OSBPL6: variants seen among roughly 807,000 people sequenced by gnomAD.
The protein encoded by OSBPL6 is oxysterol-binding protein-related protein 6.
A neutral mutation model predicts 125.8 loss-of-function variants in OSBPL6; 49 were observed. The ratio of observed to expected loss-of-function variants is 0.39; its 90% CI spans 0.31 to 0.49. The LOEUF (loss-of-function observed/expected upper bound fraction) is 0.49, where lower values mean the gene tolerates loss of function less well. Ranked by LOEUF, OSBPL6 falls within the 20% of genes least tolerant of loss-of-function variation. OSBPL6 has a pLI of 0.88. For missense variants in OSBPL6, 986 were observed against 1,135.4 expected, an observed-to-expected ratio of 0.87 and a Z score of 1.89; for synonymous variants, 394 against 391.8, an observed-to-expected ratio of 1.01 and a Z score of -0.07.
Position 178,240,433 on chromosome 2 carries a change from G to A in OSBPL6, c.-350-44494G>A, listed in dbSNP as rs185941081. 8.9e-4 allele frequency among the ~76,000 whole-genome samples: 135 copies of A among 152,234 alleles called. 2 individuals are homozygous for A. The highest frequency in any genetic ancestry group is 3.2e-3 in the African/African-American group (133 of 41,546). On this transcript the variant is annotated intron_variant, in intron 1 of 24. Coordinates refer to ENST00000190611, the MANE Select transcript of OSBPL6 (RefSeq NM_032523.4). The stretch of plus-strand genomic sequence containing the variant: ...AAAATACGAAAATTAGCCAGGCACG[G>A]TGGTGCACACCGTAGTTTCAGCTAC...
At chr2:178,222,641 G>A (rs554687843) in intron 1 of OSBPL6, among the ~76,000 whole-genome samples, 12 of 152,120 alleles carry the variant, frequency 7.9e-5, no homozygotes, top group Admixed American at 2.0e-4. Context: ...AGCAAGACTC[G>A]TCTCAAAAAT....
At chr2:178,206,198 G>C (rs778549041) in intron 1 of OSBPL6, among the ~76,000 whole-genome samples, 1 of 152,130 alleles carries the variant, frequency 6.6e-6, no homozygotes, top group Non-Finnish European at 1.5e-5. Context: ...CCAACAGGTA[G>C]AATGAAACAA....
chr2:178,215,957 G>T (rs2090077884), intron 1 of OSBPL6, among the ~76,000 whole-genome samples: 1 of 152,168 alleles, frequency 6.6e-6, no homozygotes. Flanking sequence ...TTGGAGGCTG[G>T]TGTTATTTCT....
At chr2:178,369,471 G>A (rs955458420) in intron 13 of OSBPL6, among the ~76,000 whole-genome samples, 13 of 152,064 alleles carry the variant, frequency 8.5e-5, no homozygotes, top group Admixed American at 7.9e-4. Flanking sequence ...CTGACTTAGC[G>A]TTTCAATCAA....
In OSBPL6 at chr2:178,336,392, C is replaced by G; in HGVS notation, c.749C>G (p.Ala250Gly). 6.2e-7 allele frequency: 1 copy of G among 1,614,130 alleles called. No individual in the cohort carries two copies. The highest frequency in any genetic ancestry group is 8.5e-7 in the Non-Finnish European group (1 of 1,180,000). ...TCTTGQSKVA[A>G]WLQDSEEMDR... The stretch of plus-strand genomic sequence containing the variant: ...ACAACTGGCCAGAGTAAAGTGGCAG[C>G]CTGGTTACAGGACTCGGAAGAGATG... Residue 250 changes from alanine to glycine, a missense_variant, in exon 9 of 25, where the codon GCC (alanine) becomes GGC (glycine). Coordinates refer to ENST00000190611, the MANE Select transcript of OSBPL6 (RefSeq NM_032523.4).
chr2:178,288,679 G>A (rs191740099), intron 2 of OSBPL6, among the ~76,000 whole-genome samples: 12 of 150,390 alleles, frequency 8.0e-5, no homozygotes, highest in African/African-American at 1.2e-4. Flanking sequence ...AGGGAGTTTC[G>A]CTCTTGTTGC....
In OSBPL6 at chr2:178,331,431, G is replaced by A. The variant is rs1574889908; in HGVS notation, c.319-121G>A. On this transcript the variant is annotated intron_variant, in intron 5 of 24. Transcript: ENST00000190611. ...ACTGTGGCCAAATGCACTGAATCCA[G>A]ATACATTAAAATGATCAAACATATT... is the stretch of plus-strand genomic sequence containing the variant. The A allele has an allele frequency of 6.8e-6, 7 of 1,037,028 alleles. No homozygotes were observed. The East Asian group carries it at 1.7e-4, about 25-fold the overall frequency. 64.2% of individuals were successfully genotyped at this position (1,037,028 alleles called of 1,614,324 possible). A position where few individuals can be genotyped will look rare whatever the true frequency, so the allele number is the denominator to read the frequency against.
chr2:178,360,511 A>G (rs1195983342), intron 12 of OSBPL6, among the ~76,000 whole-genome samples: 1 of 152,132 alleles, frequency 6.6e-6, no homozygotes, highest in African/African-American at 2.4e-5. Flanking sequence ...AAAGCTAACC[A>G]TTTTACTACT....
Position 178,392,434 on chromosome 2 carries a change from G to T in OSBPL6, c.2469G>T (p.Glu823Asp), listed in dbSNP as rs1695487982. The T allele has an allele frequency of 6.2e-7, 1 of 1,614,040 alleles. No individual in the cohort carries two copies. Among genetic ancestry groups the T allele is most frequent in the Non-Finnish European group, 8.5e-7 (1 of 1,179,942 alleles). ...WRPGSMPTNY[E>D]LYYGFTRFAI... ...CAGGTTCCATGCCAACAAACTATGAGCTGTACTATGGCTTCACAAGGTTTG... is the reference window on the plus strand; with the variant it reads ...CAGGTTCCATGCCAACAAACTATGATCTGTACTATGGCTTCACAAGGTTTG... Residue 823 changes from glutamate to aspartate, a missense_variant, in exon 23 of 25, where the codon GAG becomes GAT. Glu to Asp is a conservative substitution (Grantham distance 45). Around this residue, in one of 3 missense-constraint regions of OSBPL6, gnomAD observed 843 missense variants for 997.3 expected, o/e 0.85. Coordinates refer to ENST00000190611, the MANE Select transcript of OSBPL6 (RefSeq NM_032523.4).
intron 2 of OSBPL6, among the ~76,000 whole-genome samples, chr2:178,301,850 G>C (rs1686323734): frequency 6.6e-6 from 1 of 152,112 alleles, no homozygotes; most frequent in East Asian, 1.9e-4. Flanking sequence ...ACTCAAGGTA[G>C]GTCTGCAGCT....
chr2:178,303,888 A>G (rs555698043), intron 2 of OSBPL6, among the ~76,000 whole-genome samples: 11 of 151,314 alleles, frequency 7.3e-5, no homozygotes, highest in African/African-American at 1.2e-4. Context: ...TTACTTCCCC[A>G]CTTGGAGTCT....
At chr2:178,271,939 G>C (rs2092383209) in intron 1 of OSBPL6, among the ~76,000 whole-genome samples, 1 of 152,200 alleles carries the variant, frequency 6.6e-6, no homozygotes, top group Non-Finnish European at 1.5e-5. Context: ...TTCTGTAAAA[G>C]TCTGTTCTTT....
chr2:178,195,439 A>T (rs373097186), intron 1 of OSBPL6, among the ~76,000 whole-genome samples: 3 of 152,332 alleles, frequency 2.0e-5, no homozygotes, highest in East Asian at 3.9e-4. Context: ...GGAGGAGGGA[A>T]TGGGAGACCT....
chr2:178,285,345 C>T (rs955225762), intron 2 of OSBPL6, among the ~76,000 whole-genome samples: 3 of 151,612 alleles, frequency 2.0e-5, no homozygotes, highest in African/African-American at 7.3e-5. Flanking sequence ...ATTTGGTAAC[C>T]ATTTTCTGTT....
intron 2 of OSBPL6, among the ~76,000 whole-genome samples, chr2:178,305,818 T>C (rs1686709224): frequency 6.7e-6 from 1 of 148,796 alleles, no homozygotes; most frequent in South Asian, 2.1e-4. Flanking sequence ...TAGTACATGA[T>C]TTCTTCCCAT....
chr2:178,305,778 A>C (rs1449969077), intron 2 of OSBPL6, among the ~76,000 whole-genome samples: 1 of 152,152 alleles, frequency 6.6e-6, no homozygotes, highest in Non-Finnish European at 1.5e-5. Context: ...CTTTAAAACA[A>C]AGAAAATGCA....
intron 12 of OSBPL6, among the ~76,000 whole-genome samples, chr2:178,360,845 T>C (rs1173666371): frequency 6.6e-6 from 1 of 152,228 alleles, no homozygotes; most frequent in Non-Finnish European, 1.5e-5. Context: ...ATTTTCCCCC[T>C]GTAATTCAGC....
At position 178,287,155 on chromosome 2, in the gene OSBPL6, A is replaced by ATTTTT. The variant is rs1427555959; in HGVS notation, c.-156+2034_-156+2035insTTTTT. 5.5e-3 allele frequency among the ~76,000 whole-genome samples: 820 copies of ATTTTT among 149,598 alleles called. 10 individuals are homozygous for ATTTTT. Among genetic ancestry groups the ATTTTT allele is most frequent in the African/African-American group, 0.019 (760 of 39,308 alleles). On this transcript the variant is annotated intron_variant, in intron 2 of 24. Transcript: ENST00000190611. ...ACAATGGTTCTTCTTTTTTTAAAAA[A>ATTTTT]AAAAAAAAAAAAAACAAATTATTTT...
chr2:178,361,568 C>G, intron 12 of OSBPL6, 114 bp from the exon 13 acceptor site: 2 of 1,281,312 alleles, frequency 1.6e-6, no homozygotes, highest in South Asian at 2.8e-5. Context: ...TAGACTATTA[C>G]ATAGCCTTTC....
Sources: gnomAD v4.1 joint callset for allele counts (sites outside exome capture counted in the v4.1 genomes callset) on GRCh38, gnomAD v4.1.1 for gene constraint, gnomAD v4.1.1 regional missense constraint, MANE v1.5 for transcripts, NCBI Gene and HGNC (gene_info 2026-07-23, HGNC 2026-07-21) for gene names.